TRMT11: variants seen among roughly 807,000 people sequenced by gnomAD.
TRMT11 encodes tRNA methyltransferase 11.
Under a neutral mutation model 62.8 loss-of-function variants are expected in TRMT11, and 53 were observed. The observed-to-expected ratio is 0.84, with a 90% confidence interval of 0.68 to 1.06. The LOEUF (loss-of-function observed/expected upper bound fraction) is 1.06. TRMT11 is among the 50% of genes least tolerant of loss of function. TRMT11 has a pLI of 0.00. For missense variants in TRMT11, 556 were observed against 553.4 expected, an observed-to-expected ratio of 1.00 and a Z score of -0.05; for synonymous variants, 188 against 190.3, an observed-to-expected ratio of 0.99 and a Z score of 0.10.
chr6:126,136,041 G>C (rs1449989019), intron 21 of TRMT11, among the ~76,000 whole-genome samples: 2 of 151,722 alleles, frequency 1.3e-5, no homozygotes, highest in East Asian at 1.9e-4. Flanking sequence ...TACAGAAAGA[G>C]TAAACATTGA....
intron 11 of TRMT11, among the ~76,000 whole-genome samples, chr6:126,016,877 TTAAGCC>T (rs1274282019): frequency 6.6e-6 from 1 of 152,168 alleles, no homozygotes; most frequent in African/African-American, 2.4e-5. Context: ...TCTTCTCTCT[TTAAGCC>T]TAAAGCGATC....
chr6:126,105,560 C>T (rs963595425), intron 17 of TRMT11, among the ~76,000 whole-genome samples: 3 of 151,404 alleles, frequency 2.0e-5, no homozygotes, highest in East Asian at 1.9e-4. Flanking sequence ...ACGGAGGCCT[C>T]GGTTTCCTCA....
At chr6:126,176,714 T>C (rs968643177), upstream of TRMT11, among the ~76,000 whole-genome samples, 7 of 152,166 alleles carry the variant, frequency 4.6e-5, no homozygotes, top group Non-Finnish European at 8.8e-5. Flanking sequence ...AGGCAAAGTA[T>C]GGGTAGTTTA....
At chr6:126,265,540 T>TGAA in the TRMT11 span, among the ~76,000 whole-genome samples, 1 of 152,160 alleles carries the variant, frequency 6.6e-6, no homozygotes, top group African/African-American at 2.4e-5. Context: ...ACAGTAGCAT[T>TGAA]GAAGAATTAC....
intron 1 of TRMT11, among the ~76,000 whole-genome samples, chr6:126,184,667 G>T (rs1324325970): frequency 2.0e-5 from 3 of 152,034 alleles, no homozygotes; most frequent in African/African-American, 7.2e-5. Context: ...GGTTCCTTCA[G>T]ACCTTCTTGG....
intron 17 of TRMT11, among the ~76,000 whole-genome samples, chr6:126,077,992 G>T (rs1002781100): frequency 1.3e-5 from 2 of 152,242 alleles, no homozygotes; most frequent in South Asian, 4.1e-4. Context: ...GACAGACTGG[G>T]GTTTGGGAAT....
intron 17 of TRMT11, among the ~76,000 whole-genome samples, chr6:126,081,300 T>G (rs984744958): frequency 1.4e-4 from 21 of 152,224 alleles, no homozygotes; most frequent in Admixed American, 1.0e-3. Flanking sequence ...CAGTCTGCTT[T>G]TATCTGGCAC....
At chr6:126,018,698 G>A (rs147753833) in intron 11 of TRMT11, among the ~76,000 whole-genome samples, 63 of 151,820 alleles carry the variant, frequency 4.1e-4, no homozygotes, top group Middle Eastern at 3.4e-3. Flanking sequence ...GGATGATTTA[G>A]TTTTTAAATA....
At chr6:126,265,792 T>C in the TRMT11 span, among the ~76,000 whole-genome samples, 1 of 152,180 alleles carries the variant, frequency 6.6e-6, no homozygotes, top group Non-Finnish European at 1.5e-5. Context: ...TTCATCTCTG[T>C]ATGCTAGTTG....
At chr6:126,007,677 G>T (rs1480908750) in intron 7 of TRMT11, among the ~76,000 whole-genome samples, 1 of 151,894 alleles carries the variant, frequency 6.6e-6, no homozygotes, top group African/African-American at 2.4e-5. Flanking sequence ...CTTCATGCAT[G>T]AGCTGGTCAC....
At chr6:126,251,811 C>T in the TRMT11 span, among the ~76,000 whole-genome samples, 3,907 of 152,254 alleles carry the variant, frequency 0.026, 60 homozygotes, top group Admixed American at 0.039. Flanking sequence ...TTTTCTTTAT[C>T]CTCTGTGCCA....
chr6:126,180,450 G>A (rs1236104362), intron 1 of TRMT11, among the ~76,000 whole-genome samples: 1 of 152,140 alleles, frequency 6.6e-6, no homozygotes, highest in Non-Finnish European at 1.5e-5. Flanking sequence ...GCAAGGATGT[G>A]TAGTTTATCA....
intron 7 of TRMT11, among the ~76,000 whole-genome samples, chr6:126,007,113 T>C (rs1243811081): frequency 2.0e-5 from 3 of 152,060 alleles, no homozygotes; most frequent in African/African-American, 4.8e-5. Flanking sequence ...ACCTTCCCTC[T>C]CACATAAATG....
intron 3 of TRMT11, among the ~76,000 whole-genome samples, chr6:125,996,969 A>T (rs1791622729): frequency 6.6e-6 from 1 of 152,210 alleles, no homozygotes; most frequent in Admixed American, 6.5e-5. Flanking sequence ...AATAAAAATG[A>T]CTAGAAAACA....
intron 3 of TRMT11, 63 bp downstream of exon 3, chr6:125,996,103 G>GT (rs1384734778): frequency 8.4e-7 from 1 of 1,186,374 alleles, no homozygotes; most frequent in African/African-American, 1.5e-5. Context: ...ACTCAATCCT[G>GT]TTTTTTGCTA....
intron 1 of TRMT11, among the ~76,000 whole-genome samples, chr6:125,990,180 C>T (rs1478902792): frequency 2.0e-5 from 3 of 151,980 alleles, no homozygotes; most frequent in Admixed American, 6.6e-5. Context: ...TGTTCTGTTT[C>T]ATATAGTGGG....
At chr6:126,056,426 T>C (rs1427483892) in intron 17 of TRMT11, among the ~76,000 whole-genome samples, 2 of 152,160 alleles carry the variant, frequency 1.3e-5, no homozygotes, top group African/African-American at 4.8e-5. Context: ...GGTAGATTTA[T>C]TTTCTGCCAG....
At position 126,052,153 on chromosome 6, in the gene TRMT11, G is replaced by A. The variant is rs150549331; in HGVS notation, c.*1370-970G>A. ...GCTGCGAGAATAACACTGGCTTTGG[G>A]TGATGTGCTTCTGCCCAAACTGGAT... On this transcript the variant is annotated intron_variant and NMD_transcript_variant, in intron 16 of 22. Coordinates refer to the TRMT11 transcript ENST00000648977. 1.8e-4 allele frequency among the ~76,000 whole-genome samples: 28 copies of A among 152,300 alleles called. No individual in the cohort carries two copies. The East Asian group carries it at 2.9e-3, about 16-fold the overall frequency.
intron 16 of TRMT11, among the ~76,000 whole-genome samples, chr6:126,052,695 C>T (rs1776253456): frequency 6.6e-6 from 1 of 152,154 alleles, no homozygotes; most frequent in Admixed American, 6.5e-5. Context: ...GAAATGCTGC[C>T]AGGAAAGTCA....
Sources: allele counts gnomAD v4.1 joint callset (sites outside exome capture counted in the v4.1 genomes callset), GRCh38; gene constraint gnomAD v4.1.1; transcripts MANE v1.5; gene names NCBI Gene and HGNC (gene_info 2026-07-23, HGNC 2026-07-21).